UBE2E3: variants seen among roughly 807,000 people sequenced by gnomAD.
UBE2E3 encodes ubiquitin conjugating enzyme E2 E3.
Under a neutral mutation model 23.6 loss-of-function variants are expected in UBE2E3, and 5 were observed. That is an observed-to-expected ratio of 0.21 (90% CI 0.11 to 0.44). The LOEUF (loss-of-function observed/expected upper bound fraction) is 0.44, where lower values mean the gene tolerates loss of function less well. Among genes scored for constraint, UBE2E3 ranks in the 20% least tolerant of loss-of-function variants. The probability of loss-of-function intolerance (pLI) is 0.99; values close to 1 mark genes in which losing one functional copy is unlikely to be tolerated. For missense variants in UBE2E3, 81 were observed against 249.8 expected (o/e 0.32, Z 4.55); for synonymous variants, 78 against 87.5 (o/e 0.89, Z 0.60).
intron 3 of UBE2E3, among the ~76,000 whole-genome samples, chr2:180,986,725 C>T (rs183060094): frequency 6.6e-6 from 1 of 152,152 alleles, no homozygotes; most frequent in Admixed American, 6.5e-5. Context: ...AATTCCATTA[C>T]AGTTTTGAAT....
rs145240927 is a variant in UBE2E3, at chr2:180,999,409, C to A, written c.245+15316C>A. ...TGTTGCTGTGAAGGATTCACAAATA[C>A]ACATCTGTTTGAATACGTGGTTTTA... On this transcript the variant is annotated intron_variant, in intron 3 of 5. Coordinates refer to ENST00000410062, the MANE Select transcript of UBE2E3 (RefSeq NM_006357.4). Among the ~76,000 whole-genome samples the A allele has an allele frequency of 8.9e-4, 136 of 152,278 alleles. 2 individuals carry two copies. The highest frequency in any genetic ancestry group is 3.2e-3 in the African/African-American group (133 of 41,556).
chr2:180,981,782 G>A (rs1684300942), intron 1 of UBE2E3, among the ~76,000 whole-genome samples: 1 of 152,210 alleles, frequency 6.6e-6, no homozygotes, highest in Non-Finnish European at 1.5e-5. Context: ...GATTGTCCAA[G>A]AGACGGAAAA....
At chr2:181,020,459 G>C (rs768217919) in intron 3 of UBE2E3, among the ~76,000 whole-genome samples, 1 of 152,152 alleles carries the variant, frequency 6.6e-6, no homozygotes, top group African/African-American at 2.4e-5. Flanking sequence ...GATACTGGGG[G>C]TTAGAACTTC....
intron 3 of UBE2E3, among the ~76,000 whole-genome samples, chr2:181,040,282 A>G (rs1021609841): frequency 6.6e-6 from 1 of 152,240 alleles, no homozygotes; most frequent in Non-Finnish European, 1.5e-5. Context: ...TCCACGGGAC[A>G]TTGACCTGTC....
At chr2:181,034,927 T>TC (rs1405535917) in intron 3 of UBE2E3, among the ~76,000 whole-genome samples, 1 of 152,218 alleles carries the variant, frequency 6.6e-6, no homozygotes, top group East Asian at 1.9e-4. Context: ...AATACTAACA[T>TC]TAGGGAAGAT....
At chr2:181,041,246 A>AAG (rs1312843108) in intron 3 of UBE2E3, among the ~76,000 whole-genome samples, 1 of 150,182 alleles carries the variant, frequency 6.7e-6, no homozygotes, top group Non-Finnish European at 1.5e-5. Context: ...AAAAAAAAAA[A>AAG]AAAAAAAGAT....
At chr2:181,036,462 A>G (rs1430579979) in intron 3 of UBE2E3, among the ~76,000 whole-genome samples, 1 of 152,204 alleles carries the variant, frequency 6.6e-6, no homozygotes, top group Non-Finnish European at 1.5e-5. Context: ...CATTGTGTGG[A>G]GTTTGCATCT....
chr2:180,983,838 C>G (rs1222957927), intron 2 of UBE2E3, among the ~76,000 whole-genome samples: 1 of 152,146 alleles, frequency 6.6e-6, no homozygotes, highest in Non-Finnish European at 1.5e-5. Flanking sequence ...TTGTTTGCAG[C>G]AGCAAGTGAG....
At chr2:181,024,257 TTA>T (rs1685805126) in intron 3 of UBE2E3, among the ~76,000 whole-genome samples, 1 of 152,114 alleles carries the variant, frequency 6.6e-6, no homozygotes, top group Admixed American at 6.6e-5. Context: ...GATTGACACT[TTA>T]TGTGAGAGTA....
chr2:181,015,859 C>G (rs1011979249), intron 3 of UBE2E3, among the ~76,000 whole-genome samples: 2 of 151,944 alleles, frequency 1.3e-5, no homozygotes, highest in African/African-American at 4.8e-5. Context: ...GTCACTAGTT[C>G]AGCAATTTAT....
chr2:180,990,629 A>G (rs1389343558), intron 3 of UBE2E3, among the ~76,000 whole-genome samples: 1 of 152,232 alleles, frequency 6.6e-6, no homozygotes, highest in Non-Finnish European at 1.5e-5. Context: ...GAGGCCAGAA[A>G]TGCTTACAGC....
chr2:181,047,390 T>C (rs142064381), intron 3 of UBE2E3, among the ~76,000 whole-genome samples: 158 of 152,256 alleles, frequency 1.0e-3, no homozygotes, highest in African/African-American at 3.0e-3. Context: ...CACAAATTTA[T>C]ATCTATAGGA....
intron 3 of UBE2E3, among the ~76,000 whole-genome samples, chr2:181,048,853 A>G (rs922022345): frequency 6.6e-6 from 1 of 152,118 alleles, no homozygotes; most frequent in Non-Finnish European, 1.5e-5. Flanking sequence ...TTCTCCGCCT[A>G]CTTCACACAT....
chr2:181,015,085 C>A, intron 3 of UBE2E3, among the ~76,000 whole-genome samples: 1 of 150,986 alleles, frequency 6.6e-6, no homozygotes, highest in Non-Finnish European at 1.5e-5. Context: ...TTGTTTTTTT[C>A]TTAATTAATA....
intron 3 of UBE2E3, among the ~76,000 whole-genome samples, chr2:181,023,027 T>TG (rs1266104449): frequency 6.6e-6 from 1 of 152,332 alleles, no homozygotes; most frequent in African/African-American, 2.4e-5. Context: ...TTTTTTACGA[T>TG]GGTGAGAAAG....
chr2:180,981,229 C>T (rs1007486356), intron 1 of UBE2E3: 2 of 150,994 alleles, frequency 1.3e-5, no homozygotes, highest in Admixed American at 1.3e-4. Flanking sequence ...TGGCTCGCCT[C>T]CGCGGGCGCG....
At chr2:180,991,248 T>G (rs954364078) in intron 3 of UBE2E3, among the ~76,000 whole-genome samples, 2 of 152,174 alleles carry the variant, frequency 1.3e-5, no homozygotes, top group Non-Finnish European at 2.9e-5. Context: ...GGGAATACAT[T>G]TCAAGACTCC....
intron 3 of UBE2E3, among the ~76,000 whole-genome samples, chr2:181,024,000 T>TA (rs1391388132): frequency 6.6e-6 from 1 of 152,144 alleles, no homozygotes; most frequent in Non-Finnish European, 1.5e-5. Flanking sequence ...TGTTTTATAT[T>TA]TCTTTTGCAT....
chr2:181,043,707 ATCC>A (rs974528672), intron 3 of UBE2E3, among the ~76,000 whole-genome samples: 1 of 152,144 alleles, frequency 6.6e-6, no homozygotes, highest in African/African-American at 2.4e-5. Context: ...ATTTCCACCC[ATCC>A]TCTTTTAAAA....
Sources: gnomAD v4.1 joint callset for allele counts (sites outside exome capture counted in the v4.1 genomes callset) on GRCh38, gnomAD v4.1.1 for gene constraint, MANE v1.5 for transcripts, NCBI Gene and HGNC (gene_info 2026-07-23, HGNC 2026-07-21) for gene names.